The following HEATR1 variants were observed in gnomAD, a reference collection of about 807,000 sequenced individuals.
The protein encoded by HEATR1 is HEAT repeat containing 1.
Under a neutral mutation model 248.2 loss-of-function variants are expected in HEATR1, and 77 were observed. The observed-to-expected ratio is 0.31, with a 90% CI of 0.26 to 0.37. The LOEUF (loss-of-function observed/expected upper bound fraction) is 0.37, where lower values mean the gene tolerates loss of function less well. Among genes scored for constraint, HEATR1 ranks in the 10% least tolerant of loss-of-function variants. The pLI, the probability that HEATR1 is intolerant of heterozygous loss-of-function variation, is 1.00. For synonymous variants in HEATR1, 897 were observed against 923.1 expected, an observed-to-expected ratio of 0.97 and a Z score of 0.51; for missense variants, 2,420 against 2,504.9, an observed-to-expected ratio of 0.97 and a Z score of 0.72.
rs753548904 is a variant in HEATR1 at position 236,574,695 on chromosome 1, C to T, written c.3293G>A (p.Gly1098Glu). ...GGCTGTGATCTGAATGGTTGGCATT[C>T]CCGCGTAAAGTTCCTTTGTTGTGTG... ...AVHTTKELYA[G>E]MPTIQITALE... Residue 1098 changes from glycine (G) to glutamate (E), a missense_variant, in exon 23 of 45, where the codon GGA becomes GAA. Gly to Glu is a moderately conservative substitution (Grantham distance 98). Transcript: ENST00000366582. 6.2e-6 allele frequency: 10 copies of T among 1,613,780 alleles called. No individual in the cohort carries two copies. In the Admixed American group the frequency reaches 1.5e-4, roughly 24 times the overall value.
At chr1:236,559,447 T>C (rs1572033567) in intron 34 of HEATR1, among the ~76,000 whole-genome samples, 1 of 152,316 alleles carries the variant, frequency 6.6e-6, no homozygotes, top group South Asian at 2.1e-4. Context: ...TTTTATTTTA[T>C]TCCACTTGAA....
chr1:236,598,805 G>A (rs1664243656), intron 4 of HEATR1, among the ~76,000 whole-genome samples: 1 of 151,996 alleles, frequency 6.6e-6, no homozygotes. Flanking sequence ...CCCCTACCCT[G>A]GATCACCATG....
At chr1:236,569,406 C>T (rs1479161119) in intron 28 of HEATR1, among the ~76,000 whole-genome samples, 2 of 151,978 alleles carry the variant, frequency 1.3e-5, no homozygotes, top group African/African-American at 4.8e-5. Context: ...TGGTCTTGAA[C>T]TCCCAGGCTG....
chr1:236,593,927 A>T (rs1426956657), intron 9 of HEATR1, 85 bp downstream of exon 9: 2 of 843,620 alleles, frequency 2.4e-6, no homozygotes, highest in Non-Finnish European at 3.9e-6. Context: ...TTAAAAAGGA[A>T]TGCTGGGAAA....
At chr1:236,555,733 G>T in intron 39 of HEATR1, 72 bp downstream of exon 39, 2 of 1,604,576 alleles carry the variant, frequency 1.2e-6, no homozygotes, top group Non-Finnish European at 1.7e-6. Context: ...CTGTTACACG[G>T]CTAGATTGTT....
In HEATR1 at chr1:236,604,078, C is replaced by G; in HGVS notation, c.18G>C (p.Gln6His). Reference sequence around the variant, plus strand: ...GAGGGAGGGCGAGTCGTTGCAGCTGCTGGGCTAAGGACGTCATCTTTCACG... The same window carrying G: ...GAGGGAGGGCGAGTCGTTGCAGCTGGTGGGCTAAGGACGTCATCTTTCACG... MTSLA[Q>H]QLQRLALPQS... Residue 6 changes from glutamine (Q) to histidine (H), a missense_variant, in exon 2 of 45, where the codon CAG (glutamine) becomes CAC (histidine). Gln to His is a conservative substitution (Grantham distance 24). Coordinates refer to ENST00000366582, the MANE Select transcript of HEATR1 (RefSeq NM_018072.6). 1 of 1,578,358 alleles carries G rather than the reference C, an allele frequency of 6.3e-7. No homozygotes were observed.
intron 9 of HEATR1, among the ~76,000 whole-genome samples, chr1:236,593,579 TAAGAGAAA>T (rs1664096482): frequency 1.1e-5 from 1 of 94,812 alleles, no homozygotes; most frequent in African/African-American, 4.4e-5. Context: ...AGTTGCCCAT[TAAGAGAAA>T]AAAAAAAAAA....
In HEATR1 at chr1:236,604,129, T is replaced by C. The variant is rs1558195406; in HGVS notation, c.-32-2A>G. 1 of 1,535,616 alleles carries C rather than the reference T, an allele frequency of 6.5e-7. No individual in the cohort carries two copies. The highest frequency in any genetic ancestry group is 1.3e-5 in the South Asian group (1 of 79,614). On this transcript the variant is annotated splice_acceptor_variant, in intron 1 of 44. Transcript: ENST00000366582. LOFTEE classifies it low-confidence loss of function (5UTR_SPLICE). ...CCAGCGGAGTTTTAATGACACGGGC[T>C]AAAAAAACGTAAGCACTTTGATAAG...
chr1:236,599,628 G>A lies in HEATR1; in HGVS notation c.360-4C>T, dbSNP rs745653701. 3 of 1,593,126 alleles carry A rather than the reference G, an allele frequency of 1.9e-6. No homozygotes were observed. The highest frequency in any genetic ancestry group is 2.6e-6 in the Non-Finnish European group (3 of 1,170,324). Reference sequence around the variant, plus strand: ...ATTATAGAGATGTATATGGAACCTGGGGAAAAAAAGCAAACAGTCCAACTG... The same window carrying A: ...ATTATAGAGATGTATATGGAACCTGAGGAAAAAAAGCAAACAGTCCAACTG... On this transcript the variant is annotated splice_region_variant and splice_polypyrimidine_tract_variant and intron_variant, in intron 3 of 44. Transcript: ENST00000366582.
At chr1:236,603,131 A>G (rs1452143858) in intron 3 of HEATR1, 29 bp downstream of exon 3, 4 of 1,537,068 alleles carry the variant, frequency 2.6e-6, no homozygotes, top group Non-Finnish European at 3.6e-6. Flanking sequence ...TGATTAACCC[A>G]TAGTTATTTC....
At position 236,559,151 on chromosome 1, in the gene HEATR1, A is replaced by G. The variant is rs1023493659; in HGVS notation, c.4771-16T>C. 9 of 1,534,790 alleles carry G rather than the reference A, an allele frequency of 5.9e-6. No individual in the cohort carries two copies. The highest frequency in any genetic ancestry group is 2.3e-5 in the East Asian group (1 of 43,144). ...AGGCATTGACCTAAAGAGAAATTTT[A>G]TATTTAACATGAAAAGAAAAACAAA... On this transcript the variant is annotated splice_polypyrimidine_tract_variant and intron_variant, in intron 34 of 44. Coordinates refer to ENST00000366582, the MANE Select transcript of HEATR1 (RefSeq NM_018072.6).
intron 28 of HEATR1, among the ~76,000 whole-genome samples, chr1:236,569,426 T>C (rs1431107914): frequency 6.6e-6 from 1 of 152,162 alleles, no homozygotes; most frequent in Non-Finnish European, 1.5e-5. Context: ...GGTCTTGAAC[T>C]CCTGGCCACA....
Position 236,569,079 on chromosome 1 carries a change from C to T in HEATR1, c.3994G>A (p.Ala1332Thr), listed in dbSNP as rs1422590594. The T allele has an allele frequency of 6.2e-7, 1 of 1,605,304 alleles. No homozygotes were observed. Residue 1332 changes from alanine to threonine, a missense_variant, in exon 29 of 45, where the codon GCC (alanine) becomes ACC (threonine). Physicochemically the swap from Ala to Thr is moderately conservative, Grantham distance 58. Transcript: ENST00000366582. ...NIMSIFTFMG[A>T]NVMRLDDTYS... ...GTATCATCTAGGCGCATGACATTGG[C>T]TCCCATAAATGTAAAAATAGACATG...
At position 236,555,646 on chromosome 1, in the gene HEATR1, C is replaced by G. The variant is rs1174397096; in HGVS notation, c.5659G>C (p.Glu1887Gln). 1.2e-6 allele frequency: 2 copies of G among 1,614,036 alleles called. No individual in the cohort carries two copies. The highest frequency in any genetic ancestry group is 2.2e-5 in the South Asian group (2 of 91,082). Residue 1887 changes from glutamate (E) to glutamine (Q), a missense_variant, in exon 40 of 45, where the codon GAG (glutamate) becomes CAG (glutamine). Glu to Gln is a conservative substitution (Grantham distance 29). Transcript: ENST00000366582. The stretch of plus-strand genomic sequence containing the variant: ...CAATTTTCCGTTTTTCCAACTTCCT[C>G]CAGATCGTTCTGAAAACAGAAGAGC... ...FRAQHSENDL[E>Q]EVGKTENCII...
Position 236,551,877 on chromosome 1 carries a change from A to T in HEATR1, c.6346+122T>A, listed in dbSNP as rs1046194419. 59 of 671,446 alleles carry T rather than the reference A, an allele frequency of 8.8e-5. No homozygotes were observed. The Admixed American group carries it at 1.3e-3, about 15-fold the overall frequency. The allele number at this position is 671,446 out of a possible 1,614,324, so 41.6% of individuals were successfully genotyped here. On this transcript the variant is annotated intron_variant, in intron 44 of 44. Transcript: ENST00000366582. The stretch of plus-strand genomic sequence containing the variant: ...ATTTGAGACTGGAGCTGCCTGTATG[A>T]GGACTGGATCAACTGCTAGTCACGT...
chr1:236,588,044 C>T lies in HEATR1; in HGVS notation c.1531-1G>A. On this transcript the variant is annotated splice_acceptor_variant, in intron 12 of 44. Coordinates refer to ENST00000366582, the MANE Select transcript of HEATR1 (RefSeq NM_018072.6). LOFTEE classifies it high-confidence loss of function. ...TTATGAAAGATTCATCAACACCCTC[C>T]TGAGCAATAAAAGAAAAACATTAAT... The T allele has an allele frequency of 6.2e-7, 1 of 1,605,552 alleles. No individual in the cohort carries two copies. The highest frequency in any genetic ancestry group is 8.5e-7 in the Non-Finnish European group (1 of 1,175,680).
rs948076427 is a variant in HEATR1 at position 236,552,114 on chromosome 1, G to A, written c.6238-7C>T. The A allele has an allele frequency of 3.2e-6, 5 of 1,572,394 alleles. No individual in the cohort carries two copies. Among genetic ancestry groups the A allele is most frequent in the Non-Finnish European group, 4.4e-6 (5 of 1,143,776 alleles). On this transcript the variant is annotated splice_polypyrimidine_tract_variant and splice_region_variant and intron_variant, in intron 43 of 44. Coordinates refer to ENST00000366582, the MANE Select transcript of HEATR1 (RefSeq NM_018072.6). ...TCAAAGCAGCAAATCGAACCTGAAA[G>A]GGATAAAAGAGCAAAGAAATAAAAA...
chr1:236,558,114 T>C (rs1663024516), intron 36 of HEATR1, 123 bp downstream of exon 36: 3 of 1,114,478 alleles, frequency 2.7e-6, no homozygotes, highest in Non-Finnish European at 3.8e-6. Context: ...AGATCAATTC[T>C]TTAACAAATT....
Position 236,592,086 on chromosome 1 carries a change from T to C in HEATR1, c.1329A>G (p.Val443=), listed in dbSNP as rs767263883. 54 of 1,594,042 alleles carry C rather than the reference T, an allele frequency of 3.4e-5. No homozygotes were observed. The highest frequency in any genetic ancestry group is 3.3e-4 in the Middle Eastern group (2 of 6,012). The change falls in exon 11 of 45, where the codon GTA becomes GTG. Residue 443 remains valine, a synonymous_variant. Coordinates refer to ENST00000366582, the MANE Select transcript of HEATR1 (RefSeq NM_018072.6). ...ESKYPRTLDV[V]LEEHLKEIAD... ...CAATTTCCTTTAAGTGTTCCTCTAA[T>C]ACAACATCTAATGTTCTGGGGTATC...
Sources: gnomAD v4.1 joint callset for allele counts (sites outside exome capture counted in the v4.1 genomes callset) on GRCh38, gnomAD v4.1.1 for gene constraint, MANE v1.5 for transcripts, NCBI Gene and HGNC (gene_info 2026-07-23, HGNC 2026-07-21) for gene names.